The following ARMC9 variants were observed in gnomAD, a reference collection of about 807,000 sequenced individuals.
ARMC9 encodes armadillo repeat containing 9, also known as lisH domain-containing protein ARMC9.
A neutral mutation model predicts 107.0 loss-of-function variants in ARMC9; 94 were observed. The ratio of observed to expected loss-of-function variants is 0.88; its 90% CI spans 0.74 to 1.04. The LOEUF is 1.04. Ranked by LOEUF, ARMC9 falls within the 50% of genes least tolerant of loss-of-function variation. The probability of loss-of-function intolerance (pLI) is 0.00; values close to 1 mark genes in which losing one functional copy is unlikely to be tolerated. For synonymous variants in ARMC9, 380 were observed against 396.9 expected (o/e 0.96, Z 0.51); for missense variants, 942 against 1,030.1 (o/e 0.91, Z 1.17).
At chr2:231,246,127 C>A (rs1397102218) in intron 9 of ARMC9, among the ~76,000 whole-genome samples, 1 of 152,040 alleles carries the variant, frequency 6.6e-6, no homozygotes, top group Non-Finnish European at 1.5e-5. Flanking sequence ...AGAAAGATGC[C>A]CATTTGAGAA....
Position 231,376,530 on chromosome 2 carries a change from A to C in ARMC9, c.*4995A>C, listed in dbSNP as rs1390069475. Among the ~76,000 whole-genome samples the C allele has an allele frequency of 6.6e-6, 1 of 152,132 alleles. No homozygotes were observed. The highest frequency in any genetic ancestry group is 1.5e-5 in the Non-Finnish European group (1 of 68,016). On this transcript the variant is annotated 3_prime_UTR_variant, in exon 25 of 25. Coordinates refer to ENST00000611582, the MANE Select transcript of ARMC9 (RefSeq NM_001352754.2). The stretch of plus-strand genomic sequence containing the variant: ...TATTAGGAGGAGGAAATTCCCGCCT[A>C]ATAAATTTTGGTCAGACCGGTTGCT...
intron 19 of ARMC9, among the ~76,000 whole-genome samples, chr2:231,312,565 T>C (rs2042415320): frequency 1.3e-5 from 2 of 152,104 alleles, no homozygotes; most frequent in African/African-American, 2.4e-5. Context: ...AGATAGTCTT[T>C]GTGTGCAAAA....
intron 19 of ARMC9, among the ~76,000 whole-genome samples, chr2:231,327,762 C>A (rs1054175772): frequency 6.6e-6 from 1 of 151,990 alleles, no homozygotes; most frequent in South Asian, 2.1e-4. Context: ...AATGTAGTTG[C>A]ATGTTTAGCT....
chr2:231,310,111 G>T (rs1353518472), intron 19 of ARMC9, among the ~76,000 whole-genome samples: 1 of 152,164 alleles, frequency 6.6e-6, no homozygotes, highest in African/African-American at 2.4e-5. Context: ...GTTAGGCATG[G>T]TGTATTAAAG....
chr2:231,328,814 C>CTTTTTTTTT lies in ARMC9; in HGVS notation c.1774-2975_1774-2974insTTTTTTTTT, dbSNP rs1341987081. The stretch of plus-strand genomic sequence containing the variant: ...AGCGTGTTCAATTTTCTTTTCTTTT[C>CTTTTTTTTT]TTTTCTTTTTTTTTTTTTGAGTCGG... On this transcript the variant is annotated intron_variant, in intron 19 of 24. Transcript: ENST00000611582. Among the ~76,000 whole-genome samples, 454 of 127,088 alleles carry CTTTTTTTTT rather than the reference C, an allele frequency of 3.6e-3. 44 individuals are homozygous for CTTTTTTTTT. The highest frequency in any genetic ancestry group is 4.4e-3 in the Non-Finnish European group (259 of 58,782). The allele number at this position is 127,088 out of a possible 152,430, so 83.4% of individuals were successfully genotyped here.
At chr2:231,304,866 A>G (rs2041958746) in intron 19 of ARMC9, among the ~76,000 whole-genome samples, 1 of 152,236 alleles carries the variant, frequency 6.6e-6, no homozygotes. Context: ...TATTGCTGAC[A>G]AATACTATTG....
At chr2:231,299,526 T>C (rs2041593807) in intron 19 of ARMC9, among the ~76,000 whole-genome samples, 1 of 152,024 alleles carries the variant, frequency 6.6e-6, no homozygotes, top group South Asian at 2.1e-4. Flanking sequence ...TTTTTGTGGG[T>C]TGATGGAGCA....
intron 10 of ARMC9, among the ~76,000 whole-genome samples, chr2:231,258,233 C>A (rs1226268320): frequency 6.6e-6 from 1 of 152,044 alleles, no homozygotes; most frequent in Non-Finnish European, 1.5e-5. Flanking sequence ...CTTGCCTAGA[C>A]CGGAGTGGTG....
chr2:231,323,820 T>C (rs1021016570), intron 19 of ARMC9, among the ~76,000 whole-genome samples: 1 of 152,178 alleles, frequency 6.6e-6, no homozygotes, highest in Non-Finnish European at 1.5e-5. Flanking sequence ...GAACCATCAA[T>C]TTGGTGATGA....
chr2:231,203,841 T>A (rs2031505806), intron 1 of ARMC9, among the ~76,000 whole-genome samples: 1 of 152,080 alleles, frequency 6.6e-6, no homozygotes, highest in Non-Finnish European at 1.5e-5. Flanking sequence ...GTGCCTGTAA[T>A]CCCAGCTACT....
At chr2:231,349,895 T>G (rs2125587032) in intron 21 of ARMC9, among the ~76,000 whole-genome samples, 1 of 152,276 alleles carries the variant, frequency 6.6e-6, no homozygotes, top group East Asian at 1.9e-4. Flanking sequence ...GAATTTTTTT[T>G]ACACACAGGA....
intron 19 of ARMC9, among the ~76,000 whole-genome samples, chr2:231,305,781 C>G (rs1559436022): frequency 1.3e-5 from 2 of 152,058 alleles, no homozygotes; most frequent in African/African-American, 2.4e-5. Context: ...AGAGAGGATT[C>G]CTGTCTACCC....
At chr2:231,286,254 T>C (rs1290810221) in intron 17 of ARMC9, among the ~76,000 whole-genome samples, 1 of 152,188 alleles carries the variant, frequency 6.6e-6, no homozygotes, top group East Asian at 1.9e-4. Context: ...TAGCTGGGAT[T>C]ACAGGTGCCC....
intron 9 of ARMC9, chr2:231,256,063 C>T (rs1051913118): frequency 4.6e-6 from 7 of 1,528,066 alleles, no homozygotes; most frequent in South Asian, 3.7e-5. Flanking sequence ...ACAAAAAAAC[C>T]GCCTCTCCGC....
chr2:231,343,571 A>G (rs1255321696), intron 20 of ARMC9, among the ~76,000 whole-genome samples: 4 of 152,186 alleles, frequency 2.6e-5, no homozygotes, highest in African/African-American at 7.2e-5. Context: ...TGACATTGGT[A>G]TCATCCACAG....
intron 19 of ARMC9, among the ~76,000 whole-genome samples, chr2:231,324,621 A>G (rs1418666422): frequency 1.3e-5 from 2 of 151,744 alleles, no homozygotes; most frequent in Non-Finnish European, 2.9e-5. Context: ...GCGCCTGCCT[A>G]TAATCCCAGC....
rs374278398 is a variant in ARMC9 at position 231,219,786 on chromosome 2, T to C, written c.505-2942T>C. Among the ~76,000 whole-genome samples the C allele has an allele frequency of 1.2e-3, 182 of 151,288 alleles. 1 individual carries two copies. The highest frequency in any genetic ancestry group is 4.2e-3 in the African/African-American group (172 of 40,580). ...ATTATATTCTCCATGTCTTTTTTTTTCATTAAAAAAATTGTAAAATACACA... is the reference window on the plus strand; with the variant it reads ...ATTATATTCTCCATGTCTTTTTTTTCCATTAAAAAAATTGTAAAATACACA... On this transcript the variant is annotated intron_variant, in intron 5 of 24. Transcript: ENST00000611582.
At chr2:231,330,956 C>G (rs2043689761) in intron 19 of ARMC9, among the ~76,000 whole-genome samples, 1 of 151,996 alleles carries the variant, frequency 6.6e-6, no homozygotes, top group African/African-American at 2.4e-5. Flanking sequence ...ACCTGGGTAA[C>G]CTGGCAAAAC....
In ARMC9 at chr2:231,235,358, G is replaced by A. The variant is rs2035612143; in HGVS notation, c.757G>A (p.Glu253Lys). ...CACAGCAGAGCTGGTGGATTCTCTA[G>A]AGGCCACAGTCAGCGGCAAGATGGT... ...GVTAELVDSL[E>K]ATVSGKMITP... Residue 253 changes from glutamate (E) to lysine (K), a missense_variant, in exon 8 of 25, where the codon GAG becomes AAG. Transcript: ENST00000611582. The A allele has an allele frequency of 6.2e-7, 1 of 1,614,024 alleles. No homozygotes were observed. The highest frequency in any genetic ancestry group is 1.7e-5 in the Admixed American group (1 of 59,990).
Sources: gnomAD v4.1 joint callset for allele counts (sites outside exome capture counted in the v4.1 genomes callset) on GRCh38, gnomAD v4.1.1 for gene constraint, MANE v1.5 for transcripts, NCBI Gene and HGNC (gene_info 2026-07-23, HGNC 2026-07-21) for gene names.